Variants in INPP4B observed in about 807,000 individuals in gnomAD.
INPP4B encodes inositol polyphosphate-4-phosphatase type II B.
INPP4B carries 55 observed loss-of-function variants against 122.5 expected under a neutral mutation model. That is an observed-to-expected ratio of 0.45 (90% CI 0.36 to 0.56). The LOEUF (loss-of-function observed/expected upper bound fraction) is 0.56. Among genes scored for constraint, INPP4B ranks in the 20% least tolerant of loss-of-function variants. The pLI is 0.00. For missense variants in INPP4B, 1,000 were observed against 1,097.7 expected (o/e 0.91, Z 1.26); for synonymous variants, 403 against 388.7 (o/e 1.04, Z -0.43).
chr4:142,624,716 C>G (rs899964939), intron 2 of INPP4B, among the ~76,000 whole-genome samples: 4 of 152,042 alleles, frequency 2.6e-5, no homozygotes, highest in South Asian at 2.1e-4. Context: ...GATGAACATT[C>G]GTGAAAAAAT....
At chr4:142,049,665 A>C (rs1194749959) in intron 25 of INPP4B, among the ~76,000 whole-genome samples, 3 of 152,006 alleles carry the variant, frequency 2.0e-5, no homozygotes, top group African/African-American at 7.2e-5. Flanking sequence ...TGACTGCATC[A>C]AGAAGTATAT....
At chr4:142,421,303 C>G (rs1433554779) in intron 5 of INPP4B, among the ~76,000 whole-genome samples, 2 of 152,056 alleles carry the variant, frequency 1.3e-5, no homozygotes, top group Non-Finnish European at 2.9e-5. Flanking sequence ...TGACATAGCT[C>G]AAAGAAAGGC....
At chr4:142,177,226 G>T (rs1701447998) in intron 15 of INPP4B, among the ~76,000 whole-genome samples, 1 of 150,596 alleles carries the variant, frequency 6.6e-6, no homozygotes, top group South Asian at 2.1e-4. Flanking sequence ...GCCAACGTTG[G>T]TGTCCAGGAT....
chr4:142,420,166 T>C (rs1418284486), intron 5 of INPP4B, among the ~76,000 whole-genome samples: 1 of 152,120 alleles, frequency 6.6e-6, no homozygotes, highest in Admixed American at 6.6e-5. Flanking sequence ...GCTTAATCCA[T>C]GTTGAATAAT....
At chr4:142,685,152 T>C (rs908254694) in intron 2 of INPP4B, among the ~76,000 whole-genome samples, 2 of 152,090 alleles carry the variant, frequency 1.3e-5, no homozygotes, top group African/African-American at 4.8e-5. Flanking sequence ...CAGATATGCT[T>C]CTTCCCAATT....
intron 6 of INPP4B, among the ~76,000 whole-genome samples, chr4:142,403,689 A>C (rs1040934486): frequency 1.3e-5 from 2 of 152,224 alleles, no homozygotes; most frequent in Non-Finnish European, 2.9e-5. Flanking sequence ...ATCCAGCATT[A>C]AATTTTATAC....
chr4:142,459,443 C>A (rs372635151), intron 3 of INPP4B, among the ~76,000 whole-genome samples: 1 of 150,468 alleles, frequency 6.6e-6, no homozygotes, highest in East Asian at 2.0e-4. Context: ...AAGAGTGAAA[C>A]GAAGAAGAAA....
chr4:142,580,099 C>T (rs1041472855), intron 2 of INPP4B, among the ~76,000 whole-genome samples: 1 of 150,896 alleles, frequency 6.6e-6, no homozygotes, highest in African/African-American at 2.4e-5. Flanking sequence ...TAGTCCAGCT[C>T]TTTTTGATGC....
intron 1 of INPP4B, among the ~76,000 whole-genome samples, chr4:142,803,108 G>T (rs1778223046): frequency 6.7e-6 from 1 of 148,788 alleles, no homozygotes; most frequent in Non-Finnish European, 1.5e-5. Context: ...GGAGGCGGAG[G>T]TTGCCGTAAG....
intron 12 of INPP4B, among the ~76,000 whole-genome samples, chr4:142,219,816 A>T (rs1438477451): frequency 2.6e-5 from 4 of 152,144 alleles, no homozygotes; most frequent in Non-Finnish European, 5.9e-5. Flanking sequence ...TCTATGTCAA[A>T]TTTGTTTGGT....
Position 142,122,207 on chromosome 4 carries a change from T to C in INPP4B, c.2056A>G (p.Ile686Val), listed in dbSNP as rs746984295. Residue 686 changes from isoleucine (I) to valine (V), a missense_variant, in exon 21 of 26, where the codon ATT becomes GTT. Transcript: ENST00000262992. Reference sequence around the variant, plus strand: ...AATGCAACTTTCTTTAAATCGGAAATGCCAACGGCCATGTCCTCTAGCATT... The same window carrying C: ...AATGCAACTTTCTTTAAATCGGAAACGCCAACGGCCATGTCCTCTAGCATT... ...IGMLEDMAVG[I>V]SDLKKVAFKI... 3 of 1,611,916 alleles carry C rather than the reference T, an allele frequency of 1.9e-6. No individual in the cohort carries two copies. Among genetic ancestry groups the C allele is most frequent in the Admixed American group, 3.4e-5 (2 of 59,672 alleles).
intron 25 of INPP4B, among the ~76,000 whole-genome samples, chr4:142,045,444 C>G (rs1750842690): frequency 6.6e-6 from 1 of 152,130 alleles, no homozygotes; most frequent in Non-Finnish European, 1.5e-5. Flanking sequence ...GAAAGCCTTA[C>G]AAGTGGCTTT....
chr4:142,522,066 T>G (rs1411459210), intron 2 of INPP4B, among the ~76,000 whole-genome samples: 1 of 152,178 alleles, frequency 6.6e-6, no homozygotes, highest in African/African-American at 2.4e-5. Flanking sequence ...TTATTTCTCC[T>G]CTACTGGATT....
At chr4:142,478,284 G>T (rs1376044912) in intron 2 of INPP4B, among the ~76,000 whole-genome samples, 1 of 152,040 alleles carries the variant, frequency 6.6e-6, no homozygotes, top group Non-Finnish European at 1.5e-5. Flanking sequence ...CTTACTTATT[G>T]CTCTGACTAG....
intron 7 of INPP4B, among the ~76,000 whole-genome samples, chr4:142,366,367 A>T (rs1412065491): frequency 6.6e-6 from 1 of 152,144 alleles, no homozygotes; most frequent in African/African-American, 2.4e-5. Context: ...ACATTAAAAA[A>T]TGACAACCAT....
chr4:142,472,510 G>T (rs1819040302), intron 2 of INPP4B, among the ~76,000 whole-genome samples: 1 of 152,080 alleles, frequency 6.6e-6, no homozygotes, highest in African/African-American at 2.4e-5. Context: ...TACTGAAAAA[G>T]AAAATATATT....
At chr4:142,711,441 A>G (rs1763106965) in intron 2 of INPP4B, among the ~76,000 whole-genome samples, 1 of 151,910 alleles carries the variant, frequency 6.6e-6, no homozygotes, top group African/African-American at 2.4e-5. Context: ...CCCAGCATCT[A>G]GAATCAGTGG....
At chr4:142,625,537 C>G (rs575941999) in intron 2 of INPP4B, among the ~76,000 whole-genome samples, 16 of 152,084 alleles carry the variant, frequency 1.1e-4, no homozygotes, top group Non-Finnish European at 2.2e-4. Flanking sequence ...GAATCAATAT[C>G]GTGAAAATGG....
intron 18 of INPP4B, among the ~76,000 whole-genome samples, chr4:142,139,201 T>G (rs1806387893): frequency 1.3e-5 from 2 of 152,346 alleles, no homozygotes; most frequent in East Asian, 1.9e-4. Flanking sequence ...AATTTTCTTC[T>G]TTCTTTTCCA....
Sources: allele counts gnomAD v4.1 joint callset (sites outside exome capture counted in the v4.1 genomes callset), GRCh38; gene constraint gnomAD v4.1.1; transcripts MANE v1.5; gene names NCBI Gene and HGNC (gene_info 2026-07-23, HGNC 2026-07-21).